The following KCNH8 variants were observed in gnomAD, a reference collection of about 807,000 sequenced individuals.
The protein encoded by KCNH8 is potassium voltage-gated channel subfamily H member 8.
In KCNH8, 70 loss-of-function variants were observed where a neutral mutation model predicts 103.6. The ratio of observed to expected loss-of-function variants is 0.68; its 90% CI spans 0.56 to 0.82. The LOEUF (loss-of-function observed/expected upper bound fraction) is 0.82, where lower values mean the gene tolerates loss of function less well. Ranked by LOEUF, KCNH8 falls within the 40% of genes least tolerant of loss-of-function variation. The pLI, the probability that KCNH8 is intolerant of heterozygous loss-of-function variation, is 0.00. For synonymous variants in KCNH8, 498 were observed against 489.4 expected, an observed-to-expected ratio of 1.02 and a Z score of -0.23; for missense variants, 1,217 against 1,329.9, an observed-to-expected ratio of 0.92 and a Z score of 1.32.
intron 1 of KCNH8, among the ~76,000 whole-genome samples, chr3:19,152,719 T>G (rs1413020795): frequency 1.3e-5 from 2 of 152,194 alleles, no homozygotes; most frequent in African/African-American, 4.8e-5. Flanking sequence ...GCAGATCACT[T>G]GAGGCCAGCA....
intron 11 of KCNH8, among the ~76,000 whole-genome samples, chr3:19,473,449 T>A (rs2125205562): frequency 6.6e-6 from 1 of 152,292 alleles, no homozygotes; most frequent in Admixed American, 6.5e-5. Context: ...TCCATCCATT[T>A]ATTAAATAAC....
intron 3 of KCNH8, among the ~76,000 whole-genome samples, chr3:19,289,163 C>T (rs1391605497): frequency 1.3e-5 from 2 of 151,756 alleles, no homozygotes. Context: ...AAATTTTCTC[C>T]CATTCTGTAG....
At chr3:19,330,689 A>G (rs537884895) in intron 3 of KCNH8, among the ~76,000 whole-genome samples, 1 of 152,296 alleles carries the variant, frequency 6.6e-6, no homozygotes, top group East Asian at 1.9e-4. Context: ...CTAATAGGGT[A>G]ATTTTTGGTT....
At chr3:19,187,479 C>T (rs2063513970) in intron 1 of KCNH8, among the ~76,000 whole-genome samples, 1 of 152,052 alleles carries the variant, frequency 6.6e-6, no homozygotes, top group Admixed American at 6.6e-5. Flanking sequence ...ATGTGTATCA[C>T]TGGGGTTATA....
chr3:19,272,836 T>C (rs2064608220), intron 2 of KCNH8, among the ~76,000 whole-genome samples: 1 of 152,184 alleles, frequency 6.6e-6, no homozygotes, highest in African/African-American at 2.4e-5. Flanking sequence ...TCTAATAAAC[T>C]ATATAATTTG....
intron 3 of KCNH8, among the ~76,000 whole-genome samples, chr3:19,299,545 A>G (rs1037328818): frequency 1.3e-5 from 2 of 152,218 alleles, no homozygotes; most frequent in Non-Finnish European, 2.9e-5. Context: ...TCATTTCCAA[A>G]TTAGAGATGA....
At chr3:19,279,568 TA>T (rs55996488) in intron 2 of KCNH8, among the ~76,000 whole-genome samples, 104,068 of 142,518 alleles carry the variant, frequency 0.73, 37,493 homozygotes, top group Middle Eastern at 0.78. Context: ...GCCATAGGGC[TA>T]AAAAAAAAAA....
intron 7 of KCNH8, among the ~76,000 whole-genome samples, chr3:19,437,030 G>C (rs1246274804): frequency 2.0e-5 from 3 of 152,044 alleles, no homozygotes; most frequent in African/African-American, 7.2e-5. Flanking sequence ...CTTCAAATTT[G>C]CATTTTAATT....
intron 8 of KCNH8, among the ~76,000 whole-genome samples, chr3:19,440,112 T>C (rs1190340352): frequency 6.6e-6 from 1 of 152,158 alleles, no homozygotes; most frequent in African/African-American, 2.4e-5. Flanking sequence ...CATATGTATA[T>C]TGCTTGTTAA....
At chr3:19,516,694 C>A (rs879267263) in intron 14 of KCNH8, among the ~76,000 whole-genome samples, 3 of 151,988 alleles carry the variant, frequency 2.0e-5, no homozygotes, top group Non-Finnish European at 2.9e-5. Context: ...TACGCTTACA[C>A]ATTCAAGCAT....
At chr3:19,423,758 T>G (rs2066985838) in intron 7 of KCNH8, among the ~76,000 whole-genome samples, 2 of 152,094 alleles carry the variant, frequency 1.3e-5, no homozygotes, top group Admixed American at 1.3e-4. Context: ...TGCAAGTGTC[T>G]TTTTCGTATA....
intron 15 of KCNH8, among the ~76,000 whole-genome samples, chr3:19,531,773 A>C (rs181643554): frequency 6.6e-6 from 1 of 152,338 alleles, no homozygotes; most frequent in Non-Finnish European, 1.5e-5. Flanking sequence ...AATGTTGAAG[A>C]ATGTCTGCCC....
At chr3:19,324,116 T>C (rs891954940) in intron 3 of KCNH8, among the ~76,000 whole-genome samples, 2 of 151,996 alleles carry the variant, frequency 1.3e-5, no homozygotes, top group Non-Finnish European at 2.9e-5. Context: ...AGAAAGGCCA[T>C]CCAATGGGGC....
chr3:19,250,965 G>C (rs1012043561), intron 1 of KCNH8, among the ~76,000 whole-genome samples: 1 of 152,170 alleles, frequency 6.6e-6, no homozygotes, highest in Non-Finnish European at 1.5e-5. Context: ...AATGGCTTCT[G>C]AAAGTGCATT....
At chr3:19,257,905 C>G (rs1229263236) in intron 2 of KCNH8, among the ~76,000 whole-genome samples, 1 of 152,012 alleles carries the variant, frequency 6.6e-6, no homozygotes, top group Non-Finnish European at 1.5e-5. Context: ...TCCCGTGCCT[C>G]TCACTTTGCT....
intron 7 of KCNH8, among the ~76,000 whole-genome samples, chr3:19,433,170 T>C (rs543488413): frequency 1.3e-5 from 2 of 152,210 alleles, no homozygotes; most frequent in East Asian, 3.9e-4. Context: ...TGTAGACTAT[T>C]ATGAACTGGC....
intron 3 of KCNH8, among the ~76,000 whole-genome samples, chr3:19,310,225 A>G (rs767505616): frequency 6.6e-6 from 1 of 151,874 alleles, no homozygotes; most frequent in African/African-American, 2.4e-5. Flanking sequence ...TTTTCCTTTT[A>G]TTTTTTATCC....
intron 1 of KCNH8, among the ~76,000 whole-genome samples, chr3:19,159,740 C>T (rs977892184): frequency 8.5e-5 from 13 of 152,086 alleles, no homozygotes; most frequent in South Asian, 4.2e-4. Flanking sequence ...ACTTCAGATA[C>T]GAAACATTTG....
chr3:19,487,967 G>A (rs150259643), intron 11 of KCNH8, among the ~76,000 whole-genome samples: 3,290 of 152,228 alleles, frequency 0.022, 132 homozygotes, highest in African/African-American at 0.074. Flanking sequence ...GGGGGTGACC[G>A]GGGTGGTCAC....
Sources: gnomAD v4.1 joint callset for allele counts (sites outside exome capture counted in the v4.1 genomes callset) on GRCh38, gnomAD v4.1.1 for gene constraint, MANE v1.5 for transcripts, NCBI Gene and HGNC (gene_info 2026-07-23, HGNC 2026-07-21) for gene names.